The following MDH2 variants were observed in gnomAD, a reference collection of about 807,000 sequenced individuals.
MDH2 encodes malate dehydrogenase 2.
In MDH2, 25 loss-of-function variants were observed where a neutral mutation model predicts 33.6. The observed-to-expected ratio is 0.74, with a 90% CI of 0.54 to 1.04. MDH2 has a LOEUF of 1.04. Among genes scored for constraint, MDH2 ranks in the 50% least tolerant of loss-of-function variants. The pLI, the probability that MDH2 is intolerant of heterozygous loss-of-function variation, is 0.00. For missense variants in MDH2, 432 were observed against 445.0 expected, an observed-to-expected ratio of 0.97 and a Z score of 0.26; for synonymous variants, 193 against 188.7, an observed-to-expected ratio of 1.02 and a Z score of -0.19.
Position 76,066,417 on chromosome 7 carries a change from G to C in MDH2, c.*7G>C, listed in dbSNP as rs1554587916. 3.1e-6 allele frequency: 5 copies of C among 1,602,162 alleles called. No homozygotes were observed. The East Asian group carries it at 9.0e-5, about 29-fold the overall frequency. On this transcript the variant is annotated 3_prime_UTR_variant, in exon 9 of 9. Coordinates refer to ENST00000315758, the MANE Select transcript of MDH2 (RefSeq NM_005918.4). ...CGTGAAGACCCTGAAGTGAGCCGCT[G>C]TGACGGGTGGCCAGTTTCCTTAATT...
intron 5 of MDH2, among the ~76,000 whole-genome samples, chr7:76,063,038 T>C (rs1554587234): frequency 6.6e-6 from 1 of 152,224 alleles, no homozygotes; most frequent in Non-Finnish European, 1.5e-5. Flanking sequence ...CTGTTTGAGG[T>C]GGCAGACTTC....
At chr7:76,048,462 G>C in intron 1 of MDH2, 4 of 1,188,520 alleles carry the variant, frequency 3.4e-6, no homozygotes, top group Non-Finnish European at 4.4e-6. Context: ...CCATTTGTCA[G>C]GGTTCCCCCA....
At chr7:76,065,831 T>C (rs1285170035) in intron 8 of MDH2, among the ~76,000 whole-genome samples, 1 of 152,208 alleles carries the variant, frequency 6.6e-6, no homozygotes, top group African/African-American at 2.4e-5. Flanking sequence ...TTCAGGTGAC[T>C]GTGACAATGT....
At chr7:76,048,562 G>A (rs868933094) in intron 1 of MDH2, 9 of 1,314,074 alleles carry the variant, frequency 6.8e-6, no homozygotes, top group Middle Eastern at 5.7e-4. Context: ...GTAAACTTAC[G>A]TTTTTTTCTG....
At position 76,058,151 on chromosome 7, in the gene MDH2, G is replaced by A. The variant is rs151290126; in HGVS notation, c.429+73G>A. The A allele has an allele frequency of 5.5e-3, 7,494 of 1,364,212 alleles. 33 individuals carry two copies. Among genetic ancestry groups the A allele is most frequent in the Non-Finnish European group, 6.7e-3 (6,583 of 981,974 alleles). 84.5% of individuals were successfully genotyped at this position (1,364,212 alleles called of 1,614,324 possible). A position where few individuals can be genotyped will look rare whatever the true frequency, so the allele number is the denominator to read the frequency against. Reference sequence around the variant, plus strand: ...TGCTGACAGTGCGTGAAAAGCTCACGGTTTGCAGCAAAGGCTGCTGATGTG... The same window carrying A: ...TGCTGACAGTGCGTGAAAAGCTCACAGTTTGCAGCAAAGGCTGCTGATGTG... On this transcript the variant is annotated intron_variant, in intron 4 of 8. Transcript: ENST00000315758.
Position 76,054,916 on chromosome 7 carries a change from C to T in MDH2, c.153C>T (p.Ser51=). The part of the protein sequence containing the change: ...SLLLKNSPLV[S]RLTLYDIAHT... ...TCCTGAAGAACAGCCCCTTGGTGAG[C>T]CGCCTGACCCTCTATGATATCGCGC... is the stretch of plus-strand genomic sequence containing the variant. Residue 51 remains serine, a synonymous_variant, in exon 2 of 9, where the codon AGC becomes AGT. Coordinates refer to ENST00000315758, the MANE Select transcript of MDH2 (RefSeq NM_005918.4). The T allele has an allele frequency of 6.2e-7, 1 of 1,614,152 alleles. No homozygotes were observed. The highest frequency in any genetic ancestry group is 1.7e-5 in the Admixed American group (1 of 60,018).
At chr7:76,060,576 G>A (rs782229192) in intron 5 of MDH2, 78 bp downstream of exon 5, 30 of 1,574,262 alleles carry the variant, frequency 1.9e-5, no homozygotes, top group Non-Finnish European at 2.6e-5. Context: ...GGGCGTGGAA[G>A]ACATGAAGGC....
intron 5 of MDH2, among the ~76,000 whole-genome samples, chr7:76,061,105 C>A (rs1030059856): frequency 6.6e-6 from 1 of 152,102 alleles, no homozygotes; most frequent in Admixed American, 6.6e-5. Context: ...GTGCCAGTGC[C>A]GGGCCTGGAG....
chr7:76,048,351 C>A, intron 1 of MDH2, 125 bp downstream of exon 1: 1 of 1,356,660 alleles, frequency 7.4e-7, no homozygotes, highest in Middle Eastern at 2.6e-4. Context: ...CCGGCACTGG[C>A]TGGAGACTGT....
At chr7:76,061,597 G>A (rs1554587015) in intron 5 of MDH2, among the ~76,000 whole-genome samples, 2 of 151,762 alleles carry the variant, frequency 1.3e-5, no homozygotes, top group African/African-American at 4.8e-5. Context: ...CTGTGATTGC[G>A]CCACTGCGCT....
chr7:76,055,727 A>T (rs1797753741), intron 2 of MDH2, among the ~76,000 whole-genome samples: 1 of 147,160 alleles, frequency 6.8e-6, no homozygotes, highest in Non-Finnish European at 1.5e-5. Context: ...AGATAGTGAG[A>T]CACTGTTTCC....
At chr7:76,060,684 C>T (rs1201487951) in intron 5 of MDH2, among the ~76,000 whole-genome samples, 186 bp downstream of exon 5, 2 of 151,982 alleles carry the variant, frequency 1.3e-5, no homozygotes, top group Admixed American at 1.3e-4. Flanking sequence ...TCCAGGCACT[C>T]GGCCCAACAG....
In MDH2 at chr7:76,064,391, G is replaced by A. The variant is rs373614243; in HGVS notation, c.686G>A (p.Arg229Gln). The A allele has an allele frequency of 4.5e-5, 72 of 1,613,650 alleles. No homozygotes were observed. The highest frequency in any genetic ancestry group is 2.1e-4 in the South Asian group (19 of 90,938). Residue 229 changes from arginine (R) to glutamine (Q), a missense_variant, in exon 7 of 9, where the codon CGG (arginine) becomes CAG (glutamine). Transcript: ENST00000315758. ...PQDQLTALTG[R>Q]IQEAGTEVVK... ...GACCAGCTGACAGCACTCACTGGGCGGATCCAGGAGGCCGGCACGGAGGTG... is the reference window on the plus strand; with the variant it reads ...GACCAGCTGACAGCACTCACTGGGCAGATCCAGGAGGCCGGCACGGAGGTG...
At chr7:76,060,973 G>C (rs1248627569) in intron 5 of MDH2, among the ~76,000 whole-genome samples, 1 of 152,116 alleles carries the variant, frequency 6.6e-6, no homozygotes, top group African/African-American at 2.4e-5. Flanking sequence ...CCCTGGCACT[G>C]ACTTTTTTGG....
rs1798053754 is a variant in MDH2, at chr7:76,064,891, T to C, written c.823T>C (p.Cys275Arg). Residue 275 changes from cysteine (C) to arginine (R), a missense_variant, in exon 8 of 9, where the codon TGT becomes CGT. By Grantham distance (180) the Cys-to-Arg change is radical. Coordinates refer to ENST00000315758, the MANE Select transcript of MDH2 (RefSeq NM_005918.4). ...AMNGKEGVVE[C>R]SFVKSQETEC... ...GAATGGAAAGGAAGGTGTTGTGGAA[T>C]GTTCCTTCGTTAAGTCACAGGAAAC... 6.2e-7 allele frequency: 1 copy of C among 1,614,192 alleles called. No individual in the cohort carries two copies. The highest frequency in any genetic ancestry group is 8.5e-7 in the Non-Finnish European group (1 of 1,180,020).
At position 76,048,181 on chromosome 7, in the gene MDH2, G is replaced by C; in HGVS notation, c.21G>C (p.Arg7=). The part of the protein sequence containing the change: MLSALA[R]PASAALRRSF... ...CAGCCATGCTCTCCGCCCTCGCCCGGCCTGCCAGCGCTGCTCTCCGCCGCA... is the reference window on the plus strand; with the variant it reads ...CAGCCATGCTCTCCGCCCTCGCCCGCCCTGCCAGCGCTGCTCTCCGCCGCA... The change falls in exon 1 of 9, where the codon CGG becomes CGC. Residue 7 remains arginine (R), a synonymous_variant. Coordinates refer to ENST00000315758, the MANE Select transcript of MDH2 (RefSeq NM_005918.4). The C allele has an allele frequency of 6.5e-7, 1 of 1,536,670 alleles. No individual in the cohort carries two copies. The highest frequency in any genetic ancestry group is 8.7e-7 in the Non-Finnish European group (1 of 1,146,748).
intron 1 of MDH2, among the ~76,000 whole-genome samples, chr7:76,053,771 G>A (rs1340804866): frequency 2.6e-5 from 4 of 151,738 alleles, no homozygotes; most frequent in Non-Finnish European, 5.9e-5. Flanking sequence ...GCCAGGGATC[G>A]GCTGTGCTTC....
At chr7:76,049,883 G>A (rs1296095493) in intron 1 of MDH2, among the ~76,000 whole-genome samples, 1 of 152,196 alleles carries the variant, frequency 6.6e-6, no homozygotes, top group Middle Eastern at 3.2e-3. Context: ...ACAGGCTGGA[G>A]TGCAGTGGCG....
At position 76,066,951 on chromosome 7, in the gene MDH2, C is replaced by CCT; in HGVS notation, c.*544_*545dup. The CCT allele has an allele frequency of 6.6e-6, 1 of 152,432 alleles. No individual in the cohort carries two copies. The highest frequency in any genetic ancestry group is 2.1e-4 in the South Asian group (1 of 4,826). The allele number at this position is 152,432 out of a possible 1,614,324, so 9.4% of individuals were successfully genotyped here. A position where few individuals can be genotyped will look rare whatever the true frequency, so the allele number is the denominator to read the frequency against. On this transcript the variant is annotated 3_prime_UTR_variant, in exon 9 of 9. Coordinates refer to ENST00000315758, the MANE Select transcript of MDH2 (RefSeq NM_005918.4). The stretch of plus-strand genomic sequence containing the variant: ...TTTCTCATTGAGCTTCCTCTACTGA[C>CCT]CTCTGTCCCCCTTGGGATTTCATCT...
Sources: allele counts gnomAD v4.1 joint callset (sites outside exome capture counted in the v4.1 genomes callset), GRCh38; gene constraint gnomAD v4.1.1; transcripts MANE v1.5; gene names NCBI Gene and HGNC (gene_info 2026-07-23, HGNC 2026-07-21).